The following MMP16 variants were observed in gnomAD, a reference collection of about 807,000 sequenced individuals.
MMP16 encodes matrix metalloproteinase-16.
A neutral mutation model predicts 67.8 loss-of-function variants in MMP16; 12 were observed. The observed-to-expected ratio is 0.18, with a 90% CI of 0.11 to 0.29. The LOEUF (loss-of-function observed/expected upper bound fraction) is 0.29, where lower values mean the gene tolerates loss of function less well. Ranked by LOEUF, MMP16 falls within the 10% of genes least tolerant of loss-of-function variation. MMP16 has a pLI of 1.00. For missense variants in MMP16, 475 were observed against 765.7 expected, an observed-to-expected ratio of 0.62 and a Z score of 4.48; for synonymous variants, 249 against 255.9, an observed-to-expected ratio of 0.97 and a Z score of 0.26.
intron 1 of MMP16, among the ~76,000 whole-genome samples, chr8:88,288,163 A>T (rs1010256305): frequency 6.6e-6 from 1 of 152,204 alleles, no homozygotes; most frequent in Non-Finnish European, 1.5e-5. Context: ...CTTAAAAATC[A>T]ATAAACATAA....
rs768756693 is a variant in MMP16, at chr8:88,058,666, T to A, written c.1223-2388A>T. ...TTCAAAGGAGCCAGACCACTGAAGATTGTTTGAGGTAAAAGAAACATAAAG... is the reference window on the plus strand; with the variant it reads ...TTCAAAGGAGCCAGACCACTGAAGAATGTTTGAGGTAAAAGAAACATAAAG... On this transcript the variant is annotated intron_variant, in intron 7 of 9. Transcript: ENST00000286614. This position sits in a 1 kb window ranked among gnomAD's most constrained non-coding sequence, Gnocchi z 4.2. Among the ~76,000 whole-genome samples, 1 of 152,122 alleles carries A rather than the reference T, an allele frequency of 6.6e-6. No individual in the cohort carries two copies. Among genetic ancestry groups the A allele is most frequent in the Non-Finnish European group, 1.5e-5 (1 of 67,998 alleles).
chr8:88,284,898 G>A (rs1810803443), intron 1 of MMP16, among the ~76,000 whole-genome samples: 1 of 149,264 alleles, frequency 6.7e-6, no homozygotes, highest in South Asian at 2.1e-4. Flanking sequence ...TCTAGCCTCA[G>A]CTAATTCCTA....
intron 2 of MMP16, among the ~76,000 whole-genome samples, chr8:88,186,850 T>TCTAATTTATTTTGGG (rs566959014): frequency 2.9e-3 from 446 of 152,308 alleles, no homozygotes; most frequent in African/African-American, 0.01. Context: ...TTTTCTTCTC[T>TCTAATTTATTTTGGG]CTAATTTATT....
chr8:88,327,040 C>G (rs767515145), intron 1 of MMP16, 35 bp downstream of exon 1: 2 of 1,612,240 alleles, frequency 1.2e-6, no homozygotes, highest in Non-Finnish European at 1.7e-6. Flanking sequence ...GCAGCCCAGG[C>G]AGCGGGGGGA....
chr8:88,296,810 A>C (rs1586006422), intron 1 of MMP16, among the ~76,000 whole-genome samples: 1 of 149,844 alleles, frequency 6.7e-6, no homozygotes, highest in Admixed American at 6.7e-5. Flanking sequence ...GCACCACTGC[A>C]CTCCAGCCTG....
At chr8:88,263,606 T>G (rs1810424592) in intron 1 of MMP16, among the ~76,000 whole-genome samples, 1 of 152,278 alleles carries the variant, frequency 6.6e-6, no homozygotes, top group Non-Finnish European at 1.5e-5. Flanking sequence ...CAGGCTTCTC[T>G]CCTTGGCTTA....
chr8:88,145,573 C>T (rs77363586), intron 4 of MMP16, among the ~76,000 whole-genome samples: 1 of 152,016 alleles, frequency 6.6e-6, no homozygotes, highest in East Asian at 1.9e-4. Context: ...TAATAGATCT[C>T]ATATCCTGCA....
At chr8:88,097,205 A>G (rs774370830) in intron 6 of MMP16, among the ~76,000 whole-genome samples, 1 of 151,954 alleles carries the variant, frequency 6.6e-6, no homozygotes, top group Non-Finnish European at 1.5e-5. Flanking sequence ...GTTTAAATTT[A>G]AGTTATCTGT....
intron 4 of MMP16, among the ~76,000 whole-genome samples, chr8:88,165,919 G>T (rs1808703836): frequency 6.6e-6 from 1 of 151,976 alleles, no homozygotes; most frequent in Non-Finnish European, 1.5e-5. Flanking sequence ...CTTCAAACCT[G>T]TTCTTAAAAA....
chr8:88,096,850 G>A (rs551852055), intron 6 of MMP16, among the ~76,000 whole-genome samples: 1 of 152,020 alleles, frequency 6.6e-6, no homozygotes, highest in African/African-American at 2.4e-5. Context: ...GGAAACGCGA[G>A]AAAACACCCT....
intron 4 of MMP16, among the ~76,000 whole-genome samples, chr8:88,135,932 A>G (rs1031020597): frequency 3.3e-5 from 5 of 151,908 alleles, no homozygotes; most frequent in African/African-American, 1.2e-4. Flanking sequence ...GGTTTTTATT[A>G]TATAAGTGGG....
intron 2 of MMP16, among the ~76,000 whole-genome samples, chr8:88,194,316 C>T (rs1809217286): frequency 6.6e-6 from 1 of 151,886 alleles, no homozygotes; most frequent in Non-Finnish European, 1.5e-5. Flanking sequence ...ATGGTTAAGA[C>T]ATTATATTAA....
chr8:88,234,002 A>G lies in MMP16; in HGVS notation c.133-36696T>C, dbSNP rs181790040. ...GGTACAACTTCAAGGAGCTAAATCC[A>G]GCCTATTAAGAATAATATTATGCAA... On this transcript the variant is annotated intron_variant, in intron 1 of 9. Transcript: ENST00000286614. Among the ~76,000 whole-genome samples, 11 of 152,352 alleles carry G rather than the reference A, an allele frequency of 7.2e-5. No homozygotes were observed. In the East Asian group the frequency reaches 2.1e-3, roughly 29 times the overall value.
At chr8:88,181,411 T>A (rs1808978662) in intron 3 of MMP16, among the ~76,000 whole-genome samples, 2 of 151,852 alleles carry the variant, frequency 1.3e-5, no homozygotes, top group Non-Finnish European at 2.9e-5. Flanking sequence ...AAATTTGATA[T>A]GAAAAACATA....
At chr8:88,160,882 TC>T (rs1420279158) in intron 4 of MMP16, among the ~76,000 whole-genome samples, 1 of 152,212 alleles carries the variant, frequency 6.6e-6, no homozygotes, top group Admixed American at 6.6e-5. Flanking sequence ...CAGCCTCGCA[TC>T]CCTGGGATGA....
At chr8:88,158,968 A>T (rs1808564166) in intron 4 of MMP16, among the ~76,000 whole-genome samples, 2 of 152,114 alleles carry the variant, frequency 1.3e-5, no homozygotes, top group Admixed American at 1.3e-4. Flanking sequence ...CAAAGATTAG[A>T]TGGTTGTAGA....
chr8:88,269,043 T>C (rs17729077), intron 1 of MMP16, among the ~76,000 whole-genome samples: 15,737 of 152,106 alleles, frequency 0.1, 976 homozygotes, highest in South Asian at 0.18. Context: ...CACTCAGTTT[T>C]ATATATAACA....
intron 4 of MMP16, among the ~76,000 whole-genome samples, chr8:88,122,723 T>C (rs539364717): frequency 9.3e-4 from 141 of 151,706 alleles, no homozygotes; most frequent in Non-Finnish European, 1.7e-3. Flanking sequence ...TAAAGAGATA[T>C]GTGGGAGCCA....
chr8:88,208,294 T>A (rs1809460181), intron 1 of MMP16, among the ~76,000 whole-genome samples: 1 of 152,314 alleles, frequency 6.6e-6, no homozygotes, highest in African/African-American at 2.4e-5. Flanking sequence ...TGCTACCCCA[T>A]AAGCCTTAAA....
Sources: gnomAD v4.1 joint callset for allele counts (sites outside exome capture counted in the v4.1 genomes callset) on GRCh38, gnomAD v4.1.1 for gene constraint, Gnocchi (gnomAD v3.1) non-coding constraint, MANE v1.5 for transcripts, NCBI Gene and HGNC (gene_info 2026-07-23, HGNC 2026-07-21) for gene names.